Variants in VPS13D observed in about 807,000 individuals in gnomAD.
VPS13D encodes vacuolar protein sorting 13 homolog D.
In VPS13D, 187 loss-of-function variants were observed where a neutral mutation model predicts 461.9. The observed-to-expected ratio is 0.40, with a 90% CI of 0.36 to 0.46. VPS13D has a LOEUF of 0.46. VPS13D is among the 20% of genes least tolerant of loss of function. The pLI is 0.60. For synonymous variants in VPS13D, 1,951 were observed against 1,986.3 expected, an observed-to-expected ratio of 0.98 and a Z score of 0.47; for missense variants, 4,711 against 5,364.9, an observed-to-expected ratio of 0.88 and a Z score of 3.81.
Position 12,507,657 on chromosome 1 carries a change from G to C in VPS13D, c.13035+564G>C, listed in dbSNP as rs184337972. On this transcript the variant is annotated intron_variant, in intron 69 of 69. Transcript: ENST00000620676. This position sits in a 1 kb window ranked among gnomAD's most constrained non-coding sequence, Gnocchi z 5.3. ...CTGCGAATAGCTAACGTTCCTAGAGGGCTGGCTGTCTTGTGGGTTGTCTGA... is the reference window on the plus strand; with the variant it reads ...CTGCGAATAGCTAACGTTCCTAGAGCGCTGGCTGTCTTGTGGGTTGTCTGA... Among the ~76,000 whole-genome samples, 10 of 152,328 alleles carry C rather than the reference G, an allele frequency of 6.6e-5. No homozygotes were observed. The highest frequency in any genetic ancestry group is 2.2e-4 in the African/African-American group (9 of 41,578).
At chr1:12,363,322 T>G (rs1643978689) in intron 52 of VPS13D, 75 bp downstream of exon 52, 1 of 1,475,684 alleles carries the variant, frequency 6.8e-7, no homozygotes. Flanking sequence ...ACAAGCCTTG[T>G]GTAAAATGGG....
intron 65 of VPS13D, among the ~76,000 whole-genome samples, chr1:12,433,294 A>G (rs1404575483): frequency 6.6e-6 from 1 of 152,046 alleles, no homozygotes; most frequent in Non-Finnish European, 1.5e-5. Context: ...AAACAACAAC[A>G]AAACAGTAGA....
chr1:12,288,238 C>T lies in VPS13D; in HGVS notation c.5650C>T (p.Leu1884=). 1 of 1,613,758 alleles carries T rather than the reference C, an allele frequency of 6.2e-7. No homozygotes were observed. The highest frequency in any genetic ancestry group is 8.5e-7 in the Non-Finnish European group (1 of 1,179,728). ...KLDLKVHSLS[L]VLNKTTSELA... Reference sequence around the variant, plus strand: ...CTGTTCCTAGGTTCATTCACTTTCTCTAGTGCTGAATAAGACCACCAGTGA... The same window carrying T: ...CTGTTCCTAGGTTCATTCACTTTCTTTAGTGCTGAATAAGACCACCAGTGA... The change falls in exon 22 of 70, where the codon CTA becomes TTA. Residue 1884 remains leucine, a synonymous_variant. Transcript: ENST00000620676.
intron 19 of VPS13D, among the ~76,000 whole-genome samples, chr1:12,278,436 G>C (rs1293180336): frequency 6.6e-6 from 1 of 151,916 alleles, no homozygotes; most frequent in Admixed American, 6.6e-5. Context: ...TACCACGCCC[G>C]GCTAATTTTT....
chr1:12,452,909 C>T (rs541868035), intron 65 of VPS13D, among the ~76,000 whole-genome samples: 1 of 152,300 alleles, frequency 6.6e-6, no homozygotes, highest in African/African-American at 2.4e-5. Context: ...AGTTGGCTTG[C>T]ATAAGCAATT....
rs930633216 is a variant in VPS13D at position 12,495,937 on chromosome 1, T to C, written c.12663-1563T>C. Among the ~76,000 whole-genome samples, 2 of 152,202 alleles carry C rather than the reference T, an allele frequency of 1.3e-5. No individual in the cohort carries two copies. Among genetic ancestry groups the C allele is most frequent in the Admixed American group, 6.5e-5 (1 of 15,280 alleles). On this transcript the variant is annotated intron_variant, in intron 67 of 69. Transcript: ENST00000620676. The surrounding 1 kb of genome is among the most constrained non-coding windows in gnomAD (Gnocchi z 4.0). ...CCCCAACCCCGCTGCCTGCAGAGGT[T>C]ACCAGCATCCTCTCGGCAGCAGTCG...
chr1:12,493,206 T>C (rs1460479837), intron 67 of VPS13D, among the ~76,000 whole-genome samples: 1 of 145,258 alleles, frequency 6.9e-6, no homozygotes, highest in East Asian at 2.0e-4. Context: ...AAAAAAGGAC[T>C]GGCCGGGTGC....
rs1261867291 is a variant in VPS13D at position 12,475,901 on chromosome 1, A to AC, written c.12662+15506dup. Among the ~76,000 whole-genome samples the AC allele has an allele frequency of 2.0e-5, 3 of 152,028 alleles. No individual in the cohort carries two copies. In the East Asian group the frequency reaches 5.8e-4, roughly 29 times the overall value. On this transcript the variant is annotated intron_variant, in intron 67 of 69. Coordinates refer to ENST00000620676, the MANE Select transcript of VPS13D (RefSeq NM_015378.4). ...GAAATCAATGTTTAAAAAAAAAAAA[A>AC]CAAAAAACAAAAAAACACCTTGACA...
At chr1:12,370,548 C>G (rs1243075429) in intron 54 of VPS13D, among the ~76,000 whole-genome samples, 2 of 152,198 alleles carry the variant, frequency 1.3e-5, no homozygotes, top group East Asian at 3.9e-4. Flanking sequence ...TCTCTCTCAT[C>G]TGCTTAGAGT....
chr1:12,403,372 T>G (rs985873373), intron 62 of VPS13D, among the ~76,000 whole-genome samples: 1 of 152,278 alleles, frequency 6.6e-6, no homozygotes, highest in Admixed American at 6.5e-5. Flanking sequence ...CTGATTCTTT[T>G]TCAGGCATTT....
chr1:12,252,138 A>G (rs1640753944), intron 6 of VPS13D, among the ~76,000 whole-genome samples: 1 of 152,134 alleles, frequency 6.6e-6, no homozygotes, highest in Non-Finnish European at 1.5e-5. Flanking sequence ...CTAAACCAGT[A>G]TGACCTCTTA....
At chr1:12,342,272 TC>T (rs1286292613) in intron 41 of VPS13D, among the ~76,000 whole-genome samples, 2 of 152,164 alleles carry the variant, frequency 1.3e-5, no homozygotes, top group Non-Finnish European at 2.9e-5. Flanking sequence ...TTTGAAAACA[TC>T]CCCATTCTCC....
intron 63 of VPS13D, among the ~76,000 whole-genome samples, chr1:12,412,628 C>T (rs975149394): frequency 3.9e-5 from 6 of 151,970 alleles, no homozygotes; most frequent in East Asian, 1.9e-4. Context: ...TCCCTCCTAC[C>T]GTACATAAAA....
chr1:12,415,800 C>T (rs1176840133), intron 64 of VPS13D, among the ~76,000 whole-genome samples: 1 of 152,270 alleles, frequency 6.6e-6, no homozygotes, highest in African/African-American at 2.4e-5. Context: ...TTTTGACTAT[C>T]CTAATTGGTG....
intron 65 of VPS13D, among the ~76,000 whole-genome samples, chr1:12,442,371 T>C (rs12746212): frequency 0.05 from 7,539 of 152,280 alleles, 234 homozygotes; most frequent in South Asian, 0.084. Flanking sequence ...ACCTTCTAAG[T>C]GCTCTGTAGT....
At chr1:12,340,520 T>C (rs1643545446) in intron 40 of VPS13D, among the ~76,000 whole-genome samples, 1 of 152,240 alleles carries the variant, frequency 6.6e-6, no homozygotes, top group Non-Finnish European at 1.5e-5. Flanking sequence ...TACCGACTGT[T>C]ATGATACAGT....
chr1:12,474,906 A>T (rs1018646433), intron 67 of VPS13D, among the ~76,000 whole-genome samples: 1 of 152,164 alleles, frequency 6.6e-6, no homozygotes. Flanking sequence ...CACTGTAGTG[A>T]CAGATTTTTT....
chr1:12,433,254 T>A, intron 65 of VPS13D, among the ~76,000 whole-genome samples: 1 of 148,038 alleles, frequency 6.8e-6, no homozygotes. Context: ...CTGGAACGCT[T>A]GGGGAAAAAA....
intron 67 of VPS13D, among the ~76,000 whole-genome samples, chr1:12,476,135 GCT>G (rs1645628250): frequency 1.3e-5 from 2 of 152,314 alleles, no homozygotes; most frequent in Admixed American, 1.3e-4. Context: ...TGCTATGGCA[GCT>G]CTCTTTGTCC....
Sources: gnomAD v4.1 joint callset for allele counts (sites outside exome capture counted in the v4.1 genomes callset) on GRCh38, gnomAD v4.1.1 for gene constraint, Gnocchi (gnomAD v3.1) non-coding constraint, MANE v1.5 for transcripts, NCBI Gene and HGNC (gene_info 2026-07-23, HGNC 2026-07-21) for gene names.